The following HYCC2 variants were observed in gnomAD, a reference collection of about 807,000 sequenced individuals.
HYCC2 encodes hyccin PI4KA lipid kinase complex subunit 2.
At chr2:201,026,195 C>G in the HYCC2 span, among the ~76,000 whole-genome samples, 1 of 152,022 alleles carries the variant, frequency 6.6e-6, no homozygotes, top group South Asian at 2.1e-4. Context: ...TTTAAACCAA[C>G]AAAGATCAAA....
the HYCC2 span, among the ~76,000 whole-genome samples, chr2:201,001,643 T>C: frequency 1.3e-5 from 2 of 152,100 alleles, no homozygotes; most frequent in Non-Finnish European, 2.9e-5. Flanking sequence ...ACTACTCAAT[T>C]GTATGCTTTA....
At chr2:201,037,222 C>T in the HYCC2 span, among the ~76,000 whole-genome samples, 1 of 152,298 alleles carries the variant, frequency 6.6e-6, no homozygotes, top group African/African-American at 2.4e-5. Flanking sequence ...CTACAAACCA[C>T]TGCTCAATGA....
the HYCC2 span, chr2:201,021,569 A>G: frequency 6.5e-6 from 1 of 154,140 alleles, no homozygotes; most frequent in African/African-American, 2.4e-5. Flanking sequence ...CTCATTTTGT[A>G]CTTCACTGTC....
chr2:201,059,758 C>G, the HYCC2 span, among the ~76,000 whole-genome samples: 94 of 152,188 alleles, frequency 6.2e-4, no homozygotes, highest in African/African-American at 2.2e-3. Context: ...GAAGAGCCCT[C>G]TTATTGACTG....
At chr2:201,058,349 T>C in the HYCC2 span, among the ~76,000 whole-genome samples, 1 of 152,222 alleles carries the variant, frequency 6.6e-6, no homozygotes, top group Non-Finnish European at 1.5e-5. Context: ...TGTCATTAGA[T>C]TGTGAGTATA....
the HYCC2 span, chr2:200,988,510 T>C: frequency 1.1e-6 from 1 of 912,758 alleles, no homozygotes; most frequent in Non-Finnish European, 1.6e-6. Context: ...CGAATATGTA[T>C]TTAAAATTTG....
the HYCC2 span, among the ~76,000 whole-genome samples, chr2:200,984,815 C>T: frequency 2.0e-5 from 3 of 152,148 alleles, no homozygotes; most frequent in East Asian, 1.9e-4. Flanking sequence ...TCCAGGAATT[C>T]GAGGTGGCAG....
chr2:201,066,995 G>T, the HYCC2 span: 1 of 325,688 alleles, frequency 3.1e-6, no homozygotes, highest in South Asian at 2.8e-5. Context: ...GAAGAAGATA[G>T]AAGACAACAT....
the HYCC2 span, among the ~76,000 whole-genome samples, chr2:201,024,589 G>C: frequency 2.0e-5 from 3 of 152,156 alleles, no homozygotes; most frequent in Non-Finnish European, 4.4e-5. Flanking sequence ...AACTGGCAAA[G>C]ACAAGTGTCC....
the HYCC2 span, among the ~76,000 whole-genome samples, chr2:201,047,948 G>T: frequency 2.0e-5 from 3 of 147,120 alleles, no homozygotes; most frequent in Non-Finnish European, 4.5e-5. Flanking sequence ...AACTTAAAAG[G>T]AATTATTCAG....
the HYCC2 span, chr2:201,022,187 G>A: frequency 1.2e-6 from 1 of 831,990 alleles, no homozygotes; most frequent in Non-Finnish European, 1.7e-6. Context: ...ATCCAGTGGT[G>A]ATAAAACTGT....
chr2:200,995,494 G>A, the HYCC2 span, among the ~76,000 whole-genome samples: 5 of 152,346 alleles, frequency 3.3e-5, no homozygotes, highest in South Asian at 8.3e-4. Flanking sequence ...ACGTGAGTAC[G>A]TTACATAAGG....
the HYCC2 span, among the ~76,000 whole-genome samples, chr2:201,034,401 C>G: frequency 6.6e-6 from 1 of 152,106 alleles, no homozygotes; most frequent in South Asian, 2.1e-4. Flanking sequence ...GGTTTAAAGT[C>G]TGTTTTATCA....
At chr2:201,040,345 C>A in the HYCC2 span, among the ~76,000 whole-genome samples, 1 of 151,876 alleles carries the variant, frequency 6.6e-6, no homozygotes, top group African/African-American at 2.4e-5. Context: ...TAAAAAAGTT[C>A]ATTTATTAAT....
chr2:200,988,259 C>G, the HYCC2 span: 2 of 1,604,536 alleles, frequency 1.2e-6, no homozygotes, highest in Non-Finnish European at 1.7e-6. Context: ...ATTTTGTACT[C>G]ACCTTCTCTT....
the HYCC2 span, among the ~76,000 whole-genome samples, chr2:201,069,323 C>T: frequency 6.6e-6 from 1 of 152,116 alleles, no homozygotes; most frequent in Non-Finnish European, 1.5e-5. Flanking sequence ...TCCTTATAAA[C>T]AGCTCCAATA....
chr2:201,028,199 T>C, the HYCC2 span, among the ~76,000 whole-genome samples: 1 of 152,246 alleles, frequency 6.6e-6, no homozygotes, highest in Non-Finnish European at 1.5e-5. Flanking sequence ...AAATCATGAG[T>C]GAACTCCCAT....
At chr2:201,001,346 C>T in the HYCC2 span, among the ~76,000 whole-genome samples, 1 of 152,104 alleles carries the variant, frequency 6.6e-6, no homozygotes, top group African/African-American at 2.4e-5. Flanking sequence ...ATATATTACC[C>T]AGTCTAAGGT....
the HYCC2 span, among the ~76,000 whole-genome samples, chr2:201,051,040 G>T: frequency 1.3e-5 from 2 of 151,906 alleles, no homozygotes; most frequent in African/African-American, 4.8e-5. Context: ...TGAACACAGA[G>T]GCAAAAATAT....
Sources: allele counts gnomAD v4.1 joint callset (sites outside exome capture counted in the v4.1 genomes callset), GRCh38; gene constraint gnomAD v4.1.1; transcripts MANE v1.5; gene names NCBI Gene and HGNC (gene_info 2026-07-23, HGNC 2026-07-21).